Variants in FAM98B observed in about 807,000 individuals in gnomAD.
The protein encoded by FAM98B is tRNA splicing ligase complex subunit 3B.
FAM98B carries 32 observed loss-of-function variants against 43.9 expected under a neutral mutation model. That is an observed-to-expected ratio of 0.73 (90% CI 0.55 to 0.98). FAM98B has a LOEUF of 0.98. FAM98B is among the 50% of genes least tolerant of loss of function. FAM98B has a pLI of 0.00. For missense variants in FAM98B, 514 were observed against 522.9 expected (o/e 0.98, Z 0.17); for synonymous variants, 190 against 174.0 (o/e 1.09, Z -0.72).
rs1220904504 is a variant in FAM98B at position 38,484,714 on chromosome 15, GT to G, written c.*56del. 1 of 1,485,380 alleles carries G rather than the reference GT, an allele frequency of 6.7e-7. No homozygotes were observed. Among genetic ancestry groups the G allele is most frequent in the Non-Finnish European group, 8.9e-7 (1 of 1,127,716 alleles). 92.0% of individuals were successfully genotyped at this position (1,485,380 alleles called of 1,614,324 possible). ...CTTCTTTATAGATACATTAGAAATA[GT>G]GTTCCAAATAACATACTTGAATATC... is the stretch of plus-strand genomic sequence containing the variant. On this transcript the variant is annotated 3_prime_UTR_variant, in exon 8 of 8. Coordinates refer to ENST00000397609, the MANE Select transcript of FAM98B (RefSeq NM_173611.4).
chr15:38,467,254 G>T (rs1449935071), intron 3 of FAM98B, among the ~76,000 whole-genome samples: 1 of 152,070 alleles, frequency 6.6e-6, no homozygotes, highest in Non-Finnish European at 1.5e-5. Context: ...GATATAATAA[G>T]CTTCTTCATG....
chr15:38,483,211 A>C (rs1256502885), intron 7 of FAM98B: 3 of 152,212 alleles, frequency 2.0e-5, no homozygotes, highest in African/African-American at 4.8e-5. Flanking sequence ...TATTAAGTTA[A>C]TGAATGTAAG....
intron 1 of FAM98B, among the ~76,000 whole-genome samples, chr15:38,455,443 A>G (rs2141049479): frequency 6.6e-6 from 1 of 152,310 alleles, no homozygotes; most frequent in South Asian, 2.1e-4. Flanking sequence ...CCCTCTATCA[A>G]TTGTTTCTTT....
Position 38,486,156 on chromosome 15 carries a change from T to A in FAM98B, c.*1497T>A, listed in dbSNP as rs1890368018. On this transcript the variant is annotated 3_prime_UTR_variant, in exon 8 of 8. Transcript: ENST00000397609. Reference sequence around the variant, plus strand: ...AATCTTAGACATGTATTTTTCAAGCTAACCCTTTGAAGAAATGTGTTCAAG... The same window carrying A: ...AATCTTAGACATGTATTTTTCAAGCAAACCCTTTGAAGAAATGTGTTCAAG... 1 of 152,148 alleles carries A rather than the reference T, an allele frequency of 6.6e-6. No individual in the cohort carries two copies. The highest frequency in any genetic ancestry group is 2.1e-4 in the South Asian group (1 of 4,836). 9.4% of individuals were successfully genotyped at this position (152,148 alleles called of 1,614,324 possible).
chr15:38,484,147 C>A, intron 7 of FAM98B, 108 bp from the exon 8 acceptor site: 1 of 964,194 alleles, frequency 1.0e-6, no homozygotes, highest in East Asian at 2.8e-5. Flanking sequence ...CTGGTACTTT[C>A]ATGTCCTTAA....
At chr15:38,475,730 C>T (rs78727843) in intron 6 of FAM98B, among the ~76,000 whole-genome samples, 24,734 of 152,186 alleles carry the variant, frequency 0.16, 2,246 homozygotes, top group East Asian at 0.42. Flanking sequence ...TTAATCATAC[C>T]TGCATCTGTA....
chr15:38,469,802 T>G (rs889858875), intron 3 of FAM98B, among the ~76,000 whole-genome samples: 14 of 152,068 alleles, frequency 9.2e-5, no homozygotes, highest in Non-Finnish European at 1.6e-4. Context: ...TTCATCTGTT[T>G]CAAACTAAGT....
At chr15:38,473,706 T>C in intron 5 of FAM98B, 121 bp downstream of exon 5, 1 of 703,278 alleles carries the variant, frequency 1.4e-6, no homozygotes, top group Admixed American at 3.3e-5. Context: ...AGAATTAAAA[T>C]TGATTGATAT....
At chr15:38,464,209 T>C (rs1252947787) in intron 2 of FAM98B, 32 bp downstream of exon 2, 2 of 1,581,232 alleles carry the variant, frequency 1.3e-6, no homozygotes, top group Non-Finnish European at 1.7e-6. Context: ...TACTTTTCTG[T>C]TTAATAGTAA....
intron 6 of FAM98B, among the ~76,000 whole-genome samples, chr15:38,475,580 C>A (rs921010588): frequency 3.9e-5 from 6 of 152,124 alleles, no homozygotes; most frequent in African/African-American, 1.4e-4. Context: ...AATCTTCCAG[C>A]CTTTCTCTCT....
intron 6 of FAM98B, among the ~76,000 whole-genome samples, chr15:38,475,518 A>G (rs983003393): frequency 6.6e-6 from 1 of 152,182 alleles, no homozygotes; most frequent in Non-Finnish European, 1.5e-5. Context: ...TGCCACCTGC[A>G]TAGTTTAGCT....
At chr15:38,475,719 C>T (rs1042977865) in intron 6 of FAM98B, among the ~76,000 whole-genome samples, 3 of 152,162 alleles carry the variant, frequency 2.0e-5, no homozygotes, top group African/African-American at 7.2e-5. Flanking sequence ...AGATGTTTAA[C>T]TTAATCATAC....
chr15:38,467,436 A>G (rs1359504030), intron 3 of FAM98B, among the ~76,000 whole-genome samples: 1 of 152,214 alleles, frequency 6.6e-6, no homozygotes, highest in Admixed American at 6.5e-5. Context: ...AACTGCTTCT[A>G]AGCATGACAA....
At chr15:38,469,051 G>T (rs546511088) in intron 3 of FAM98B, among the ~76,000 whole-genome samples, 5 of 152,050 alleles carry the variant, frequency 3.3e-5, no homozygotes, top group African/African-American at 9.7e-5. Flanking sequence ...GACTACAGGC[G>T]CATGCTGCCA....
chr15:38,455,132 T>G (rs1203323925), intron 1 of FAM98B, among the ~76,000 whole-genome samples: 1 of 152,242 alleles, frequency 6.6e-6, no homozygotes, highest in Non-Finnish European at 1.5e-5. Flanking sequence ...CTTTGCATAT[T>G]TTATTCACCG....
rs1890155198 is a variant in FAM98B, at chr15:38,473,526, G to T, written c.553G>T (p.Val185Phe). 5 of 1,607,750 alleles carry T rather than the reference G, an allele frequency of 3.1e-6. No homozygotes were observed. The highest frequency in any genetic ancestry group is 4.2e-6 in the Non-Finnish European group (5 of 1,177,382). ...ESKVKDILSK[V>F]QKNHVGKPLL... ...TTAGGTGAAAGATATTCTCTCAAAG[G>T]TCCAGAAAAATCATGTGGGAAAACC... Residue 185 changes from valine to phenylalanine, a missense_variant, in exon 5 of 8, where the codon GTC (valine) becomes TTC (phenylalanine). Physicochemically the swap from Val to Phe is conservative, Grantham distance 50. Coordinates refer to ENST00000397609, the MANE Select transcript of FAM98B (RefSeq NM_173611.4).
intron 4 of FAM98B, among the ~76,000 whole-genome samples, chr15:38,471,853 A>G (rs1890135127): frequency 6.6e-6 from 1 of 152,138 alleles, no homozygotes; most frequent in Admixed American, 6.5e-5. Flanking sequence ...TATAGCATTC[A>G]CTGTTCTAAA....
intron 4 of FAM98B, among the ~76,000 whole-genome samples, chr15:38,473,054 T>C (rs1438216148): frequency 3.3e-5 from 5 of 152,186 alleles, no homozygotes; most frequent in African/African-American, 9.6e-5. Context: ...TGCTCCCTTA[T>C]GTTGTCTTGC....
chr15:38,482,246 C>G (rs528651862), intron 7 of FAM98B: 1 of 152,444 alleles, frequency 6.6e-6, no homozygotes. Flanking sequence ...TTAGGCATCA[C>G]CAGTGTTTGC....
Sources: allele counts gnomAD v4.1 joint callset (sites outside exome capture counted in the v4.1 genomes callset), GRCh38; gene constraint gnomAD v4.1.1; transcripts MANE v1.5; gene names NCBI Gene and HGNC (gene_info 2026-07-23, HGNC 2026-07-21).